Variants in CDK17 observed in about 807,000 individuals in gnomAD.
CDK17 encodes cyclin dependent kinase 17.
CDK17 carries 24 observed loss-of-function variants against 77.6 expected under a neutral mutation model. The ratio of observed to expected loss-of-function variants is 0.31; its 90% confidence interval spans 0.22 to 0.44. The LOEUF is 0.44. Ranked by LOEUF, CDK17 falls within the 20% of genes least tolerant of loss-of-function variation. The pLI, the probability that CDK17 is intolerant of heterozygous loss-of-function variation, is 1.00. For synonymous variants in CDK17, 203 were observed against 210.4 expected, an observed-to-expected ratio of 0.96 and a Z score of 0.30; for missense variants, 429 against 622.5, an observed-to-expected ratio of 0.69 and a Z score of 3.31.
chr12:96,353,123 C>G (rs756501406), intron 1 of CDK17, among the ~76,000 whole-genome samples: 2 of 152,132 alleles, frequency 1.3e-5, no homozygotes, highest in Non-Finnish European at 2.9e-5. Flanking sequence ...CATGTAATAT[C>G]AATGACACTT....
chr12:96,363,365 T>G (rs1369767932), intron 1 of CDK17, among the ~76,000 whole-genome samples: 4 of 149,590 alleles, frequency 2.7e-5, no homozygotes, highest in Non-Finnish European at 1.5e-5. Context: ...GCAGGAGAAT[T>G]GCTTGAACCC....
intron 3 of CDK17, among the ~76,000 whole-genome samples, chr12:96,317,063 A>C (rs1449230190): frequency 1.6e-5 from 2 of 126,814 alleles, no homozygotes; most frequent in Non-Finnish European, 3.3e-5. Flanking sequence ...CTTTGAAAAA[A>C]ATTTAGAAGA....
At chr12:96,284,625 C>G (rs1219331444) in intron 13 of CDK17, among the ~76,000 whole-genome samples, 2 of 147,926 alleles carry the variant, frequency 1.4e-5, no homozygotes, top group Non-Finnish European at 3.0e-5. Flanking sequence ...TGCAAAGGTG[C>G]GATCCCGGCT....
chr12:96,291,602 T>C (rs1952325399), intron 10 of CDK17, among the ~76,000 whole-genome samples: 1 of 151,898 alleles, frequency 6.6e-6, no homozygotes, highest in Admixed American at 6.6e-5. Context: ...AAGGTAAATT[T>C]TTTATAGTCC....
intron 2 of CDK17, among the ~76,000 whole-genome samples, chr12:96,325,173 T>C (rs1952876428): frequency 6.6e-6 from 1 of 152,238 alleles, no homozygotes; most frequent in Non-Finnish European, 1.5e-5. Context: ...AATTTTGTTT[T>C]TACTGATAGC....
intron 1 of CDK17, among the ~76,000 whole-genome samples, chr12:96,351,193 G>T (rs1194804682): frequency 6.6e-6 from 1 of 152,158 alleles, no homozygotes; most frequent in East Asian, 1.9e-4. Flanking sequence ...CAGTGAGGAT[G>T]TGGACAAACT....
Position 96,390,708 on chromosome 12 carries a change from C to CAA in CDK17, c.-30+9276_-30+9277dup, listed in dbSNP as rs71097285. Among the ~76,000 whole-genome samples, 96 of 43,374 alleles carry CAA rather than the reference C, an allele frequency of 2.2e-3. 1 individual carries two copies. The highest frequency in any genetic ancestry group is 7.2e-3 in the African/African-American group (68 of 9,388). 28.5% of individuals were successfully genotyped at this position (43,374 alleles called of 152,430 possible). A position where few individuals can be genotyped will look rare whatever the true frequency, so the allele number is the denominator to read the frequency against. On this transcript the variant is annotated intron_variant, in intron 1 of 16. Transcript: ENST00000261211. ...TGGACGATGGGGTGAGACTCCATCT[C>CAA]AAAAAAAAAAAAAAAAAAAAGACAG...
intron 11 of CDK17, among the ~76,000 whole-genome samples, chr12:96,288,684 G>A (rs114027498): frequency 2.6e-5 from 4 of 152,200 alleles, no homozygotes; most frequent in South Asian, 2.1e-4. Context: ...GAGTAGAAGA[G>A]TGTCAGGATC....
intron 1 of CDK17, among the ~76,000 whole-genome samples, chr12:96,360,174 G>A (rs373229287): frequency 2.5e-4 from 38 of 152,242 alleles, no homozygotes; most frequent in Non-Finnish European, 4.6e-4. Context: ...TAGAAGTCTT[G>A]GAAACTCTCA....
chr12:96,365,249 A>G (rs1054503841), intron 1 of CDK17, among the ~76,000 whole-genome samples: 10 of 152,220 alleles, frequency 6.6e-5, no homozygotes, highest in Admixed American at 1.3e-4. Flanking sequence ...TTTAAAAATA[A>G]CATGAATAAC....
chr12:96,306,593 C>G (rs1952580528), intron 5 of CDK17, among the ~76,000 whole-genome samples: 1 of 151,888 alleles, frequency 6.6e-6, no homozygotes, highest in South Asian at 2.1e-4. Context: ...CTTTTCCTAC[C>G]TCCTTTCTAT....
At chr12:96,354,551 C>T (rs1314412402) in intron 1 of CDK17, among the ~76,000 whole-genome samples, 2 of 152,144 alleles carry the variant, frequency 1.3e-5, no homozygotes, top group Non-Finnish European at 2.9e-5. Context: ...CTGATCCAAG[C>T]CCAGCCTCAT....
chr12:96,294,344 C>T (rs1040902447), intron 10 of CDK17, among the ~76,000 whole-genome samples: 6 of 151,942 alleles, frequency 3.9e-5, no homozygotes, highest in African/African-American at 1.5e-4. Context: ...GTAATCTCAG[C>T]ACTTTGGGAG....
chr12:96,379,266 T>C (rs1192372842), intron 1 of CDK17, among the ~76,000 whole-genome samples: 1 of 152,188 alleles, frequency 6.6e-6, no homozygotes, highest in Non-Finnish European at 1.5e-5. Flanking sequence ...GAATTACTGT[T>C]AAATGGAAAG....
intron 1 of CDK17, among the ~76,000 whole-genome samples, chr12:96,393,944 T>C (rs1177963224): frequency 1.3e-5 from 2 of 152,124 alleles, no homozygotes; most frequent in Non-Finnish European, 2.9e-5. Flanking sequence ...ATGCTGTTAC[T>C]TGATAGTTTC....
At chr12:96,310,307 A>G (rs1272301834) in intron 5 of CDK17, among the ~76,000 whole-genome samples, 2 of 152,116 alleles carry the variant, frequency 1.3e-5, no homozygotes, top group African/African-American at 4.8e-5. Context: ...TAAGTATATA[A>G]TTCTGTATAT....
Position 96,388,144 on chromosome 12 carries a change from A to G in CDK17, c.-30+11842T>C, listed in dbSNP as rs531503013. 5.9e-5 allele frequency among the ~76,000 whole-genome samples: 9 copies of G among 152,196 alleles called. 1 individual carries two copies. The South Asian group carries it at 6.2e-4, about 11-fold the overall frequency. On this transcript the variant is annotated intron_variant, in intron 1 of 16. Coordinates refer to ENST00000261211, the MANE Select transcript of CDK17 (RefSeq NM_002595.5). ...GAAAAGAAAAACTCTAGAGTCACAT[A>G]CAAGAGTCATAAACAAGGAAAGCAA...
intron 1 of CDK17, among the ~76,000 whole-genome samples, chr12:96,340,899 C>A (rs570844463): frequency 2.7e-4 from 41 of 152,000 alleles, no homozygotes; most frequent in Non-Finnish European, 4.9e-4. Context: ...TAGAGGTAAA[C>A]TGCATATATG....
At chr12:96,333,296 C>T (rs930056140) in intron 2 of CDK17, among the ~76,000 whole-genome samples, 2 of 151,998 alleles carry the variant, frequency 1.3e-5, no homozygotes, top group Non-Finnish European at 2.9e-5. Flanking sequence ...TTTTCCCCTC[C>T]TACATATAAT....
Sources: allele counts gnomAD v4.1 joint callset (sites outside exome capture counted in the v4.1 genomes callset), GRCh38; gene constraint gnomAD v4.1.1; transcripts MANE v1.5; gene names NCBI Gene and HGNC (gene_info 2026-07-23, HGNC 2026-07-21).